ERICH1: variants seen among roughly 807,000 people sequenced by gnomAD.
The protein encoded by ERICH1 is glutamate-rich protein 1.
In ERICH1, 56 loss-of-function variants were observed where a neutral mutation model predicts 39.6. That is an observed-to-expected ratio of 1.41 (90% CI 1.14 to 1.77). ERICH1 has a LOEUF of 1.77. ERICH1 is among the 40% of genes most tolerant of loss of function. The pLI is 0.00. For missense variants in ERICH1, 826 were observed against 575.4 expected, an observed-to-expected ratio of 1.44 and a Z score of -4.45; for synonymous variants, 313 against 223.6, an observed-to-expected ratio of 1.40 and a Z score of -3.57.
At chr8:687,209 T>C (rs748079129) in intron 3 of ERICH1, among the ~76,000 whole-genome samples, 1 of 152,234 alleles carries the variant, frequency 6.6e-6, no homozygotes, top group Non-Finnish European at 1.5e-5. Flanking sequence ...AAATGACTTA[T>C]GTTCATGACT....
intron 3 of ERICH1, among the ~76,000 whole-genome samples, chr8:690,196 C>T (rs1441478678): frequency 6.6e-6 from 1 of 152,206 alleles, no homozygotes; most frequent in Non-Finnish European, 1.5e-5. Flanking sequence ...AGACTTCCCA[C>T]AGCCCGTCTC....
At chr8:641,123 G>A (rs547362381) in intron 3 of ERICH1, 2 of 152,324 alleles carry the variant, frequency 1.3e-5, no homozygotes, top group African/African-American at 4.8e-5. Context: ...CCCTGGACAG[G>A]TGGAGGCAGA....
At chr8:638,469 T>G (rs548780675) in intron 3 of ERICH1, among the ~76,000 whole-genome samples, 1 of 152,272 alleles carries the variant, frequency 6.6e-6, no homozygotes. Context: ...GAAATGCACC[T>G]GGGAAGGTTC....
intron 3 of ERICH1, among the ~76,000 whole-genome samples, chr8:689,497 C>G (rs1219724413): frequency 6.6e-6 from 1 of 152,216 alleles, no homozygotes; most frequent in Non-Finnish European, 1.5e-5. Context: ...ACGAGGCTTT[C>G]AGATGCTGGC....
intron 2 of ERICH1, among the ~76,000 whole-genome samples, chr8:706,500 G>A (rs1013577742): frequency 2.0e-5 from 3 of 152,178 alleles, no homozygotes; most frequent in South Asian, 2.1e-4. Flanking sequence ...AAGGCCAGGC[G>A]CAGTGGCTCA....
intron 3 of ERICH1, among the ~76,000 whole-genome samples, chr8:682,365 T>C (rs1420103302): frequency 1.3e-5 from 2 of 152,156 alleles, no homozygotes; most frequent in Admixed American, 1.3e-4. Flanking sequence ...AGAGGCTTCA[T>C]CCAAACAGCT....
chr8:674,296 C>CTTTT (rs11372589), intron 3 of ERICH1, among the ~76,000 whole-genome samples: 13 of 109,768 alleles, frequency 1.2e-4, no homozygotes, highest in East Asian at 3.0e-4. Context: ...CAAGTTGTTG[C>CTTTT]TTTTTTTTTT....
intron 3 of ERICH1, among the ~76,000 whole-genome samples, chr8:624,748 A>T (rs1234291508): frequency 1.3e-5 from 2 of 151,232 alleles, no homozygotes; most frequent in African/African-American, 4.9e-5. Context: ...ATTTTGTTTG[A>T]GACAGTCTCG....
intron 5 of ERICH1, chr8:667,511 A>G (rs554847468): frequency 6.5e-6 from 1 of 153,078 alleles, no homozygotes; most frequent in East Asian, 1.9e-4. Flanking sequence ...CTCCTCAGCT[A>G]GGGAGCAAGC....
intron 3 of ERICH1, among the ~76,000 whole-genome samples, chr8:635,346 C>G (rs988623590): frequency 2.6e-5 from 4 of 152,192 alleles, no homozygotes; most frequent in Non-Finnish European, 4.4e-5. Flanking sequence ...AACGGATAAA[C>G]GCCAAGCCCG....
In ERICH1 at chr8:720,813, G is replaced by A. The variant is rs541251007; in HGVS notation, c.23-4806C>T. 4.6e-5 allele frequency among the ~76,000 whole-genome samples: 7 copies of A among 152,268 alleles called. 1 individual carries two copies. Among genetic ancestry groups the A allele is most frequent in the South Asian group, 4.1e-4 (2 of 4,824 alleles). On this transcript the variant is annotated intron_variant, in intron 1 of 5. Coordinates refer to ENST00000262109, the MANE Select transcript of ERICH1 (RefSeq NM_207332.3). ...GTTCTAGAACCTAGTGAAGGAAAACGTCTTTCCCAGTGGCCCACACACTCC... is the reference window on the plus strand; with the variant it reads ...GTTCTAGAACCTAGTGAAGGAAAACATCTTTCCCAGTGGCCCACACACTCC...
chr8:660,592 G>A (rs1394546943), downstream of ERICH1, among the ~76,000 whole-genome samples: 2 of 152,276 alleles, frequency 1.3e-5, no homozygotes, highest in Non-Finnish European at 2.9e-5. Flanking sequence ...ACACTGCGAG[G>A]CGGCAAATGG....
chr8:701,525 G>A (rs1164886761), intron 2 of ERICH1, among the ~76,000 whole-genome samples: 7 of 152,200 alleles, frequency 4.6e-5, no homozygotes, highest in Non-Finnish European at 7.3e-5. Context: ...GGACAGAGCC[G>A]CTGCCACAGG....
rs1803951632 is a variant in ERICH1, at chr8:673,585, T to G, written c.767A>C (p.Glu256Ala). Residue 256 changes from glutamate (E) to alanine (A), a missense_variant, in exon 4 of 6, where the codon GAA becomes GCA. Physicochemically the swap from Glu to Ala is moderately radical, Grantham distance 107. Transcript: ENST00000262109. ...RQEEGADASEEDPTPAGEEDV... is the reference protein window; with the variant it reads ...RQEEGADASEADPTPAGEEDV... ...TTCCTCCCCGGCCGGTGTCGGATCTTCCTCACTGGCGTCCGCACCCTCTTC... is the reference window on the plus strand; with the variant it reads ...TTCCTCCCCGGCCGGTGTCGGATCTGCCTCACTGGCGTCCGCACCCTCTTC... 1 of 1,553,270 alleles carries G rather than the reference T, an allele frequency of 6.4e-7. No individual in the cohort carries two copies. Among genetic ancestry groups the G allele is most frequent in the African/African-American group, 1.3e-5 (1 of 74,276 alleles).
intron 5 of ERICH1, among the ~76,000 whole-genome samples, chr8:665,704 C>T (rs2044936): frequency 0.19 from 28,708 of 152,214 alleles, 3,286 homozygotes; most frequent in Middle Eastern, 0.33. Context: ...TGTAATAAAA[C>T]GTCACAGAAG....
At chr8:655,920 T>C (rs544874730) in intron 3 of ERICH1, among the ~76,000 whole-genome samples, 55 of 152,252 alleles carry the variant, frequency 3.6e-4, no homozygotes, top group Non-Finnish European at 7.2e-4. Flanking sequence ...TCCACTATGC[T>C]GTTCTCGCAG....
intron 2 of ERICH1, among the ~76,000 whole-genome samples, chr8:715,163 C>A (rs112743973): frequency 6.8e-6 from 1 of 147,016 alleles, no homozygotes; most frequent in African/African-American, 2.5e-5. Flanking sequence ...ACCCAGGTGG[C>A]CTCTTCCCGC....
chr8:650,833 T>G (rs1353300573), intron 3 of ERICH1, among the ~76,000 whole-genome samples: 3 of 152,248 alleles, frequency 2.0e-5, no homozygotes, highest in Non-Finnish European at 4.4e-5. Flanking sequence ...CGCAGGAGGC[T>G]TCAACGATTC....
chr8:629,471 CCACA>C (rs1342516132), intron 3 of ERICH1, among the ~76,000 whole-genome samples: 1 of 145,546 alleles, frequency 6.9e-6, no homozygotes, highest in East Asian at 2.0e-4. Context: ...CCGTGACCAC[CCACA>C]CAGACAGAGC....
Sources: allele counts gnomAD v4.1 joint callset (sites outside exome capture counted in the v4.1 genomes callset), GRCh38; gene constraint gnomAD v4.1.1; transcripts MANE v1.5; gene names NCBI Gene and HGNC (gene_info 2026-07-23, HGNC 2026-07-21).